Variants in VAV3 observed in about 807,000 individuals in gnomAD.
The protein encoded by VAV3 is vav guanine nucleotide exchange factor 3, also known as guanine nucleotide exchange factor VAV3.
A neutral mutation model predicts 131.2 loss-of-function variants in VAV3; 94 were observed. The observed-to-expected ratio is 0.72, with a 90% CI of 0.61 to 0.85. The LOEUF is 0.85. VAV3 is among the 40% of genes least tolerant of loss of function. The pLI, the probability that VAV3 is intolerant of heterozygous loss-of-function variation, is 0.00. For missense variants in VAV3, 939 were observed against 1,002.7 expected, an observed-to-expected ratio of 0.94 and a Z score of 0.86; for synonymous variants, 349 against 342.0, an observed-to-expected ratio of 1.02 and a Z score of -0.22.
At chr1:107,681,540 T>C (rs919627519) in intron 19 of VAV3, among the ~76,000 whole-genome samples, 1 of 152,152 alleles carries the variant, frequency 6.6e-6, no homozygotes, top group Non-Finnish European at 1.5e-5. Context: ...GAAATAGGCT[T>C]ACTATATCAG....
intron 1 of VAV3, among the ~76,000 whole-genome samples, chr1:107,936,820 T>TA (rs1673733406): frequency 2.6e-5 from 4 of 152,192 alleles, no homozygotes; most frequent in Admixed American, 2.6e-4. Context: ...TTTATGCACT[T>TA]ATGCCTCATC....
rs577366508 is a variant in VAV3 at position 107,795,633 on chromosome 1, A to C, written c.322-16141T>G. ...TATTTCCCCCAGAGAATACTTGATA[A>C]CAACCTGAATCAAGAGGGAAAACCC... On this transcript the variant is annotated intron_variant, in intron 2 of 26. Coordinates refer to ENST00000370056, the MANE Select transcript of VAV3 (RefSeq NM_006113.5). Among the ~76,000 whole-genome samples the C allele has an allele frequency of 7.9e-5, 12 of 152,378 alleles. 1 individual carries two copies. Among genetic ancestry groups the C allele is most frequent in the African/African-American group, 2.6e-4 (11 of 41,596 alleles).
At chr1:107,903,608 A>G (rs1432392626) in intron 1 of VAV3, among the ~76,000 whole-genome samples, 2 of 152,150 alleles carry the variant, frequency 1.3e-5, no homozygotes, top group Non-Finnish European at 2.9e-5. Flanking sequence ...TTCACCTAAG[A>G]TACTCACTAC....
chr1:107,723,623 C>T (rs906694662), intron 15 of VAV3, among the ~76,000 whole-genome samples: 11 of 139,060 alleles, frequency 7.9e-5, no homozygotes, highest in African/African-American at 2.6e-4. Context: ...TGGATGAACC[C>T]GCAACTTAGC....
chr1:107,925,745 G>A (rs1221765538), intron 1 of VAV3, among the ~76,000 whole-genome samples: 4 of 152,046 alleles, frequency 2.6e-5, no homozygotes, highest in Non-Finnish European at 4.4e-5. Context: ...ATGAGCTCTG[G>A]AGATGAATTG....
At chr1:107,893,870 T>C (rs1327722487) in intron 1 of VAV3, among the ~76,000 whole-genome samples, 1 of 152,248 alleles carries the variant, frequency 6.6e-6, no homozygotes, top group Non-Finnish European at 1.5e-5. Flanking sequence ...TAGGCTATTA[T>C]GTTCATGAAT....
chr1:107,744,004 G>T (rs1207574397), intron 15 of VAV3, among the ~76,000 whole-genome samples: 1 of 152,200 alleles, frequency 6.6e-6, no homozygotes, highest in Non-Finnish European at 1.5e-5. Flanking sequence ...GATTAAATGT[G>T]ATTTGTGGAG....
At chr1:107,606,743 T>C (rs2101125742) in intron 22 of VAV3, among the ~76,000 whole-genome samples, 1 of 151,808 alleles carries the variant, frequency 6.6e-6, no homozygotes, top group Non-Finnish European at 1.5e-5. Context: ...AGTTTTCTCT[T>C]AATTTTGAAG....
At chr1:107,737,879 C>A (rs1662762028) in intron 15 of VAV3, among the ~76,000 whole-genome samples, 1 of 152,204 alleles carries the variant, frequency 6.6e-6, no homozygotes. Flanking sequence ...GATTATAAAT[C>A]ATGCTACTAT....
At chr1:107,945,235 T>C (rs1475680300) in intron 1 of VAV3, among the ~76,000 whole-genome samples, 1 of 152,032 alleles carries the variant, frequency 6.6e-6, no homozygotes, top group Non-Finnish European at 1.5e-5. Context: ...AAAGATTATA[T>C]AAGAAAAAAA....
chr1:107,576,385 G>C (rs112984085), intron 25 of VAV3: 83,092 of 1,504,314 alleles, frequency 0.055, 2,541 homozygotes, highest in Middle Eastern at 0.09. Context: ...AAGTAGTAAA[G>C]CAGTACCTGA....
At chr1:107,761,853 T>A (rs1325236243) in intron 9 of VAV3, among the ~76,000 whole-genome samples, 4 of 152,210 alleles carry the variant, frequency 2.6e-5, no homozygotes, top group African/African-American at 7.2e-5. Context: ...ACTTTAAAAC[T>A]TTGCTCAAGT....
chr1:107,943,215 A>T (rs1393072600), intron 1 of VAV3, among the ~76,000 whole-genome samples: 1 of 152,082 alleles, frequency 6.6e-6, no homozygotes. Flanking sequence ...ATAAATTTAC[A>T]TATTTATGGG....
At chr1:107,575,299 A>G (rs943451536) in intron 25 of VAV3, among the ~76,000 whole-genome samples, 6 of 152,200 alleles carry the variant, frequency 3.9e-5, no homozygotes, top group African/African-American at 1.4e-4. Context: ...AAAAGAGACA[A>G]ATGGGAAACA....
intron 1 of VAV3, 108 bp downstream of exon 1, chr1:107,964,558 C>A: frequency 7.1e-6 from 9 of 1,259,762 alleles, no homozygotes; most frequent in Non-Finnish European, 9.8e-6. Flanking sequence ...GGCTGGGAAG[C>A]AGGGCAAGCT....
chr1:107,669,126 A>G, intron 19 of VAV3: 1 of 1,089,898 alleles, frequency 9.2e-7, no homozygotes, highest in Non-Finnish European at 1.1e-6. Context: ...TTGAAGACAG[A>G]AAAATTCTTG....
At chr1:107,615,954 A>T (rs1190065391) in intron 21 of VAV3, among the ~76,000 whole-genome samples, 1 of 152,200 alleles carries the variant, frequency 6.6e-6, no homozygotes, top group Non-Finnish European at 1.5e-5. Flanking sequence ...AAAATAACAG[A>T]TGCTGACAAG....
intron 20 of VAV3, among the ~76,000 whole-genome samples, chr1:107,625,500 C>A (rs1286742725): frequency 1.3e-5 from 2 of 152,088 alleles, no homozygotes; most frequent in African/African-American, 4.8e-5. Context: ...CTCCTGACCT[C>A]AAATCATCCA....
chr1:107,811,170 T>G (rs1418577455), intron 2 of VAV3, among the ~76,000 whole-genome samples: 1 of 152,132 alleles, frequency 6.6e-6, no homozygotes, highest in African/African-American at 2.4e-5. Flanking sequence ...TTAATCACTT[T>G]CCACACTCAG....
Sources: allele counts gnomAD v4.1 joint callset (sites outside exome capture counted in the v4.1 genomes callset), GRCh38; gene constraint gnomAD v4.1.1; transcripts MANE v1.5; gene names NCBI Gene and HGNC (gene_info 2026-07-23, HGNC 2026-07-21).